Variants in KLHL5 observed in about 807,000 individuals in gnomAD.
The protein encoded by KLHL5 is kelch like family member 5, also known as kelch-like protein 5.
A neutral mutation model predicts 77.7 loss-of-function variants in KLHL5; 48 were observed. The ratio of observed to expected loss-of-function variants is 0.62; its 90% CI spans 0.49 to 0.79. The LOEUF (loss-of-function observed/expected upper bound fraction) is 0.79, where lower values mean the gene tolerates loss of function less well. Ranked by LOEUF, KLHL5 falls within the 30% of genes least tolerant of loss-of-function variation. KLHL5 has a pLI of 0.00. For synonymous variants in KLHL5, 260 were observed against 297.0 expected, an observed-to-expected ratio of 0.88 and a Z score of 1.28; for missense variants, 723 against 859.7, an observed-to-expected ratio of 0.84 and a Z score of 1.99.
chr4:39,125,014 T>C lies in KLHL5; in HGVS notation c.*3948T>C, dbSNP rs1002516838. Among the ~76,000 whole-genome samples the C allele has an allele frequency of 3.3e-5, 5 of 152,002 alleles. No individual in the cohort carries two copies. Among genetic ancestry groups the C allele is most frequent in the African/African-American group, 4.8e-5 (2 of 41,378 alleles). Reference sequence around the variant, plus strand: ...TTTTAAAATGGGCAAAGGACTTAAATAGACATTTCTCTAATGAAGATATAC... The same window carrying C: ...TTTTAAAATGGGCAAAGGACTTAAACAGACATTTCTCTAATGAAGATATAC... On this transcript the variant is annotated 3_prime_UTR_variant, in exon 11 of 11. Transcript: ENST00000504108.
intron 2 of KLHL5, among the ~76,000 whole-genome samples, chr4:39,079,075 C>T (rs942332598): frequency 1.3e-5 from 2 of 152,060 alleles, no homozygotes; most frequent in South Asian, 2.1e-4. Context: ...TATTTCAACC[C>T]GAATTTCATA....
chr4:39,048,658 T>TTTTG (rs1716393755), intron 1 of KLHL5, among the ~76,000 whole-genome samples: 1 of 148,690 alleles, frequency 6.7e-6, no homozygotes, highest in Non-Finnish European at 1.5e-5. Context: ...TTTTTTTTTT[T>TTTTG]TGGAGATGAA....
At chr4:39,137,607 G>C in the KLHL5 span, among the ~76,000 whole-genome samples, 1 of 152,162 alleles carries the variant, frequency 6.6e-6, no homozygotes, top group Non-Finnish European at 1.5e-5. Context: ...GTGATGGAAT[G>C]AGACCCTGTC....
chr4:39,093,688 T>C (rs1346879626), intron 5 of KLHL5, among the ~76,000 whole-genome samples: 5 of 152,078 alleles, frequency 3.3e-5, no homozygotes, highest in Non-Finnish European at 7.4e-5. Context: ...GGAGGATCAC[T>C]TGAGGTCAGG....
intron 1 of KLHL5, among the ~76,000 whole-genome samples, chr4:39,050,382 C>T (rs1274417432): frequency 6.6e-6 from 1 of 152,184 alleles, no homozygotes; most frequent in Non-Finnish European, 1.5e-5. Flanking sequence ...AGAAGTACAG[C>T]TGGGCCTCAA....
chr4:39,086,607 T>G lies in KLHL5; in HGVS notation c.993T>G (p.Ile331Met). Residue 331 changes from isoleucine (I) to methionine (M), a missense_variant, in exon 5 of 11, where the codon ATT (isoleucine) becomes ATG (methionine). Ile to Met is a conservative substitution (Grantham distance 10, BLOSUM62 1). Around this residue, in one of 3 missense-constraint regions of KLHL5, gnomAD observed 288 missense variants for 400.3 expected, o/e 0.72. Coordinates refer to ENST00000504108, the MANE Select transcript of KLHL5 (RefSeq NM_015990.5). ...AKLLASDDMN[I>M]PNEETILNAL... ...TCTTGGCTAGTGATGACATGAACAT[T>G]CCTAATGAGGAGACAATATTGAATG... is the stretch of plus-strand genomic sequence containing the variant. The G allele has an allele frequency of 6.2e-7, 1 of 1,613,942 alleles. No individual in the cohort carries two copies. The highest frequency in any genetic ancestry group is 8.5e-7 in the Non-Finnish European group (1 of 1,179,892).
chr4:39,049,974 C>T (rs1716512052), intron 1 of KLHL5, among the ~76,000 whole-genome samples: 1 of 152,064 alleles, frequency 6.6e-6, no homozygotes, highest in African/African-American at 2.4e-5. Flanking sequence ...ACTCCAGAGG[C>T]TGAGGCAGGA....
At chr4:39,141,304 C>CTTTTTTTTTTTTTTTTTT in the KLHL5 span, among the ~76,000 whole-genome samples, 4 of 75,626 alleles carry the variant, frequency 5.3e-5, no homozygotes, top group African/African-American at 9.8e-5. Flanking sequence ...ATTTTTTAGT[C>CTTTTTTTTTTTTTTTTTT]TTTTTTTTTT....
rs145251992 is a variant in KLHL5, at chr4:39,096,701, G to A, written c.1123G>A (p.Asp375Asn). Residue 375 changes from aspartate (D) to asparagine (N), a missense_variant, in exon 6 of 11, where the codon GAC becomes AAC. By Grantham distance (23) the Asp-to-Asn change is conservative. Coordinates refer to ENST00000504108, the MANE Select transcript of KLHL5 (RefSeq NM_015990.5). The stretch of plus-strand genomic sequence containing the variant: ...TACTATTCTTTTCTAGTTCCTGGCA[G>A]ACATGGAAAATAATGTACTTTTTCG... Reference protein sequence around the residue: ...LPLLAPQFLADMENNVLFRDD... With the variant: ...LPLLAPQFLANMENNVLFRDD... The A allele has an allele frequency of 1.8e-4, 291 of 1,610,784 alleles. No homozygotes were observed. The East Asian group carries it at 3.2e-3, about 18-fold the overall frequency.
intron 8 of KLHL5, among the ~76,000 whole-genome samples, chr4:39,109,138 G>A (rs7673299): frequency 0.53 from 79,664 of 151,542 alleles, 21,452 homozygotes; most frequent in Non-Finnish European, 0.59. Flanking sequence ...TCTGGAGTAA[G>A]TAGAAAGTAT....
intron 6 of KLHL5, among the ~76,000 whole-genome samples, chr4:39,103,053 G>A (rs1186397614): frequency 6.6e-6 from 1 of 152,068 alleles, no homozygotes; most frequent in Non-Finnish European, 1.5e-5. Context: ...TCCTTTGACA[G>A]TTAATCCTTG....
intron 6 of KLHL5, among the ~76,000 whole-genome samples, chr4:39,101,942 A>G (rs573451818): frequency 4.1e-4 from 35 of 84,704 alleles, no homozygotes; most frequent in Non-Finnish European, 7.6e-4. Flanking sequence ...ACACATATAT[A>G]CACACATATA....
At chr4:39,118,059 TA>T (rs35309110) in intron 10 of KLHL5, among the ~76,000 whole-genome samples, 178 of 126,120 alleles carry the variant, frequency 1.4e-3, no homozygotes, top group East Asian at 2.0e-3. Context: ...AGACTCCATC[TA>T]AAAAAAAAAA....
chr4:39,064,424 G>C (rs1276946935), intron 1 of KLHL5, among the ~76,000 whole-genome samples: 3 of 152,006 alleles, frequency 2.0e-5, no homozygotes, highest in African/African-American at 4.8e-5. Context: ...TATAGTAAAA[G>C]ATTCATCATT....
Position 39,081,229 on chromosome 4 carries a change from T to G in KLHL5, c.693T>G (p.Tyr231Ter). The G allele has an allele frequency of 6.2e-7, 1 of 1,609,932 alleles. No homozygotes were observed. Among genetic ancestry groups the G allele is most frequent in the South Asian group, 1.1e-5 (1 of 89,966 alleles). Reference sequence around the variant, plus strand: ...ATTCGTTGTGGTCCTTGATCCAGTATGCTTATACAGGTAACGAGTCTGAAA... The same window carrying G: ...ATTCGTTGTGGTCCTTGATCCAGTAGGCTTATACAGGTAACGAGTCTGAAA... ...EPNSLWSLIQ[Y>*]AYTGRLELKE... The change falls in exon 3 of 11, where the codon TAT (tyrosine) becomes TAG (stop). Residue 231 changes from tyrosine to a stop codon, truncating the protein, a stop_gained. Coordinates refer to ENST00000504108, the MANE Select transcript of KLHL5 (RefSeq NM_015990.5). LOFTEE classifies it high-confidence loss of function. The surrounding 1 kb of genome is among the most constrained non-coding windows in gnomAD (Gnocchi z 4.3).
At chr4:39,107,820 CT>C in intron 8 of KLHL5, 89 bp downstream of exon 8, 1 of 930,216 alleles carries the variant, frequency 1.1e-6, no homozygotes, top group Non-Finnish European at 1.5e-6. Context: ...TACATAAATA[CT>C]TACAGTGATT....
intron 1 of KLHL5, among the ~76,000 whole-genome samples, chr4:39,066,875 AAGGTT>A (rs1717934449): frequency 1.3e-5 from 2 of 152,196 alleles, no homozygotes; most frequent in African/African-American, 4.8e-5. Flanking sequence ...TAACTTGCTC[AAGGTT>A]AGTAAGTAAA....
Position 39,081,090 on chromosome 4 carries a change from A to G in KLHL5, c.567-13A>G. 2 of 1,582,282 alleles carry G rather than the reference A, an allele frequency of 1.3e-6. No individual in the cohort carries two copies. The highest frequency in any genetic ancestry group is 1.7e-6 in the Non-Finnish European group (2 of 1,170,392). ...TGTGGTCATTGATTTTTTTTTTCCT[A>G]ATGTGTTCACAGATTGGTGCTCTCC... On this transcript the variant is annotated splice_polypyrimidine_tract_variant and intron_variant, in intron 2 of 10. Transcript: ENST00000504108. This position sits in a 1 kb window ranked among gnomAD's most constrained non-coding sequence, Gnocchi z 4.3.
intron 1 of KLHL5, among the ~76,000 whole-genome samples, chr4:39,063,237 A>G (rs1271194914): frequency 6.6e-6 from 1 of 152,150 alleles, no homozygotes; most frequent in African/African-American, 2.4e-5. Context: ...AAAGACAACA[A>G]ATAGCATTCA....
Sources: gnomAD v4.1 joint callset for allele counts (sites outside exome capture counted in the v4.1 genomes callset) on GRCh38, gnomAD v4.1.1 for gene constraint, gnomAD v4.1.1 regional missense constraint, Gnocchi (gnomAD v3.1) non-coding constraint, MANE v1.5 for transcripts, NCBI Gene and HGNC (gene_info 2026-07-23, HGNC 2026-07-21) for gene names.